Variants in TRIM2 observed in about 807,000 individuals in gnomAD.
TRIM2 encodes the protein tripartite motif containing 2.
In TRIM2, 20 loss-of-function variants were observed where a neutral mutation model predicts 75.2. That is an observed-to-expected ratio of 0.27 (90% CI 0.19 to 0.39). The LOEUF (loss-of-function observed/expected upper bound fraction) is 0.39, where lower values mean the gene tolerates loss of function less well. Ranked by LOEUF, TRIM2 falls within the 10% of genes least tolerant of loss-of-function variation. TRIM2 has a pLI of 1.00. For synonymous variants in TRIM2, 373 were observed against 388.3 expected (o/e 0.96, Z 0.46); for missense variants, 660 against 990.8 (o/e 0.67, Z 4.48).
chr4:153,311,452 A>G (rs1283223736), intron 6 of TRIM2, among the ~76,000 whole-genome samples: 1 of 152,080 alleles, frequency 6.6e-6, no homozygotes, highest in African/African-American at 2.4e-5. Context: ...GAAGGAGAGC[A>G]GCAGGCAGTT....
At chr4:153,275,817 T>G in intron 2 of TRIM2, 76 bp from the exon 3 acceptor site, 2 of 1,350,898 alleles carry the variant, frequency 1.5e-6, no homozygotes, top group South Asian at 1.3e-5. Flanking sequence ...GTGTAGTCAC[T>G]GAGAACATGT....
chr4:153,307,870 C>A, intron 6 of TRIM2: 1 of 743,576 alleles, frequency 1.3e-6, no homozygotes, highest in Non-Finnish European at 2.5e-6. Context: ...TTCAACATGT[C>A]CACTTCATTG....
chr4:153,266,562 G>A (rs1658336391), intron 1 of TRIM2, among the ~76,000 whole-genome samples: 1 of 151,652 alleles, frequency 6.6e-6, no homozygotes, highest in Non-Finnish European at 1.5e-5. Flanking sequence ...AGGATGGTCT[G>A]GATCTCTTGA....
chr4:153,317,858 G>C (rs1768034868), intron 8 of TRIM2, among the ~76,000 whole-genome samples: 1 of 152,124 alleles, frequency 6.6e-6, no homozygotes, highest in African/African-American at 2.4e-5. Context: ...CACTTGGGAG[G>C]CTGAGGTGGG....
At chr4:153,327,553 T>C (rs561851698) in intron 10 of TRIM2, among the ~76,000 whole-genome samples, 5 of 152,228 alleles carry the variant, frequency 3.3e-5, no homozygotes, top group Admixed American at 6.5e-5. Context: ...ATCATGACAA[T>C]GGAAGTTAAA....
At chr4:153,191,407 T>C (rs1733174849) in intron 1 of TRIM2, among the ~76,000 whole-genome samples, 1 of 152,256 alleles carries the variant, frequency 6.6e-6, no homozygotes, top group South Asian at 2.1e-4. Context: ...CGGACAATCC[T>C]GGAGAAAGAG....
intron 1 of TRIM2, among the ~76,000 whole-genome samples, chr4:153,263,914 T>A (rs939091131): frequency 6.6e-6 from 1 of 152,166 alleles, no homozygotes; most frequent in Non-Finnish European, 1.5e-5. Context: ...TCTACCCTCA[T>A]GACCTAATCA....
At chr4:153,195,102 G>A (rs2149667476) in intron 1 of TRIM2, among the ~76,000 whole-genome samples, 1 of 152,300 alleles carries the variant, frequency 6.6e-6, no homozygotes, top group African/African-American at 2.4e-5. Flanking sequence ...CTGGATTAGG[G>A]TGGGCCTTAA....
intron 1 of TRIM2, among the ~76,000 whole-genome samples, chr4:153,154,074 C>T (rs1371321462): frequency 1.3e-5 from 2 of 152,134 alleles, no homozygotes; most frequent in African/African-American, 4.8e-5. Flanking sequence ...ACAGAGCTGG[C>T]ATCATGCAAG....
chr4:153,215,506 A>T (rs1738230254), intron 1 of TRIM2, among the ~76,000 whole-genome samples: 3 of 152,102 alleles, frequency 2.0e-5, no homozygotes, highest in Admixed American at 2.0e-4. Context: ...TATAAAAAAA[A>T]AAGCTCAAAA....
intron 1 of TRIM2, among the ~76,000 whole-genome samples, chr4:153,179,103 A>G (rs1731777683): frequency 6.6e-6 from 1 of 152,160 alleles, no homozygotes; most frequent in Admixed American, 6.6e-5. Context: ...AGGCTGGTGA[A>G]GGTCAAAGCT....
rs5863039 is a variant in TRIM2 at position 153,336,347 on chromosome 4, CAA to C, written c.*1391_*1392del. 5 of 850,454 alleles carry C rather than the reference CAA, an allele frequency of 5.9e-6. No individual in the cohort carries two copies. Among genetic ancestry groups the C allele is most frequent in the Non-Finnish European group, 4.2e-6 (3 of 718,886 alleles). The allele number at this position is 850,454 out of a possible 1,614,324, so 52.7% of individuals were successfully genotyped here. ...GTCAGAAAATGGCCTTCTGTGCTTT[CAA>C]AAAAAAAAACAAAAAAAAAACCACA... is the stretch of plus-strand genomic sequence containing the variant. On this transcript the variant is annotated 3_prime_UTR_variant, in exon 12 of 12. Coordinates refer to ENST00000338700, the MANE Select transcript of TRIM2 (RefSeq NM_015271.5).
At chr4:153,205,161 A>G (rs1735047262) in intron 1 of TRIM2, among the ~76,000 whole-genome samples, 2 of 152,188 alleles carry the variant, frequency 1.3e-5, no homozygotes, top group African/African-American at 4.8e-5. Flanking sequence ...AAATAGCCCC[A>G]GGTGAATAGA....
At chr4:153,254,181 T>C (rs1560891916) in intron 1 of TRIM2, among the ~76,000 whole-genome samples, 1 of 152,212 alleles carries the variant, frequency 6.6e-6, no homozygotes, top group Non-Finnish European at 1.5e-5. Flanking sequence ...GGGATAAATT[T>C]TCTTGAGCAG....
chr4:153,247,677 C>CAAAA (rs1183914263), intron 1 of TRIM2, among the ~76,000 whole-genome samples: 11,564 of 79,412 alleles, frequency 0.15, 1,371 homozygotes, highest in South Asian at 0.21. Flanking sequence ...GACTCTGTCT[C>CAAAA]AAAAAAAAAA....
intron 1 of TRIM2, among the ~76,000 whole-genome samples, chr4:153,217,479 A>C (rs1738800008): frequency 6.6e-6 from 1 of 152,230 alleles, no homozygotes; most frequent in African/African-American, 2.4e-5. Flanking sequence ...AAACTGAGGG[A>C]GTCAGTGCAA....
chr4:153,157,662 A>G (rs1729359803), intron 1 of TRIM2, among the ~76,000 whole-genome samples: 1 of 152,176 alleles, frequency 6.6e-6, no homozygotes, highest in Non-Finnish European at 1.5e-5. Flanking sequence ...GGAATCATAG[A>G]TTAGCACATT....
At chr4:153,322,873 G>A in intron 9 of TRIM2, 57 bp downstream of exon 9, 4 of 1,600,456 alleles carry the variant, frequency 2.5e-6, no homozygotes, top group Middle Eastern at 1.7e-4. Flanking sequence ...GCTCACATTT[G>A]CATGATGTTG....
intron 2 of TRIM2, among the ~76,000 whole-genome samples, chr4:153,270,823 G>T (rs1013795534): frequency 2.0e-5 from 3 of 151,986 alleles, no homozygotes; most frequent in African/African-American, 4.8e-5. Context: ...AACAATTTTT[G>T]TCCACAGCAG....
Sources: allele counts gnomAD v4.1 joint callset (sites outside exome capture counted in the v4.1 genomes callset), GRCh38; gene constraint gnomAD v4.1.1; transcripts MANE v1.5; gene names NCBI Gene and HGNC (gene_info 2026-07-23, HGNC 2026-07-21).